RYR1: variants seen among roughly 807,000 people sequenced by gnomAD.
RYR1 encodes the protein central core disease of muscle.
Under a neutral mutation model 583.5 loss-of-function variants are expected in RYR1, and 342 were observed. The ratio of observed to expected loss-of-function variants is 0.59; its 90% confidence interval spans 0.54 to 0.64. RYR1 has a LOEUF of 0.64. Among genes scored for constraint, RYR1 ranks in the 30% least tolerant of loss-of-function variants. The pLI, the probability that RYR1 is intolerant of heterozygous loss-of-function variation, is 0.00. For synonymous variants in RYR1, 2,791 were observed against 2,822.5 expected, an observed-to-expected ratio of 0.99 and a Z score of 0.35; for missense variants, 6,032 against 6,917.2, an observed-to-expected ratio of 0.87 and a Z score of 4.54.
At chr19:38,453,716 C>T (rs1332671381) in intron 13 of RYR1, among the ~76,000 whole-genome samples, 1 of 151,576 alleles carries the variant, frequency 6.6e-6, no homozygotes. Flanking sequence ...ACAGGGTGAC[C>T]TGGAGGAAGA....
In RYR1 at chr19:38,565,129, G is replaced by C; in HGVS notation, c.12795G>C (p.Ala4265=). 1 of 1,531,768 alleles carries C rather than the reference G, an allele frequency of 6.5e-7. No individual in the cohort carries two copies. The highest frequency in any genetic ancestry group is 1.2e-5 in the South Asian group (1 of 83,848). The allele number at this position is 1,531,768 out of a possible 1,614,324, so 94.9% of individuals were successfully genotyped here. A position where few individuals can be genotyped will look rare whatever the true frequency, so the allele number is the denominator to read the frequency against. The change falls in exon 91 of 106, where the codon GCG becomes GCC. Residue 4265 remains alanine (A), a synonymous_variant. Coordinates refer to ENST00000359596, the MANE Select transcript of RYR1 (RefSeq NM_000540.3). The surrounding 1 kb of genome is among the most constrained non-coding windows in gnomAD (Gnocchi z 4.7). The part of the protein sequence containing the change: ...GEPETDEDEG[A]GAAEAGAEGA... Reference sequence around the variant, plus strand: ...CGGAGACCGACGAGGACGAGGGCGCGGGCGCGGCGGAGGCGGGCGCGGAAG... The same window carrying C: ...CGGAGACCGACGAGGACGAGGGCGCCGGCGCGGCGGAGGCGGGCGCGGAAG...
chr19:38,574,814 C>T (rs1157704841), intron 96 of RYR1, among the ~76,000 whole-genome samples: 4 of 151,706 alleles, frequency 2.6e-5, no homozygotes, highest in African/African-American at 4.8e-5. Flanking sequence ...CCGAGGCAGG[C>T]GGATCACGAG....
At chr19:38,466,042 G>T (rs1011428546) in intron 23 of RYR1, 49 bp from the exon 24 acceptor site, 8 of 1,552,376 alleles carry the variant, frequency 5.2e-6, no homozygotes, top group Non-Finnish European at 6.1e-6. Flanking sequence ...TGCAGAGCCC[G>T]GAAGTGGAGG....
rs200708363 is a variant in RYR1, at chr19:38,502,892, G to C, written c.7848G>C (p.Pro2616=). Residue 2616 remains proline (P), a synonymous_variant, in exon 49 of 106, where the codon CCG becomes CCC. Transcript: ENST00000359596. ...CLMSLCRYIR[P]SMLQHLLRRL... is the part of the protein sequence containing the mutation. ...CATTGTCCCGCAGGTACATCCGCCC[G>C]TCGATGCTGCAGCACCTGTTGCGCC... 1 of 1,611,330 alleles carries C rather than the reference G, an allele frequency of 6.2e-7. No homozygotes were observed. The highest frequency in any genetic ancestry group is 8.5e-7 in the Non-Finnish European group (1 of 1,179,990).
chr19:38,435,530 G>C (rs929802709), intron 1 of RYR1, among the ~76,000 whole-genome samples: 1 of 152,140 alleles, frequency 6.6e-6, no homozygotes, highest in Non-Finnish European at 1.5e-5. Flanking sequence ...TCAGGAGTTT[G>C]AGACCAGCCT....
intron 76 of RYR1, among the ~76,000 whole-genome samples, chr19:38,530,987 C>CTTTTTT (rs59244176): frequency 3.9e-4 from 51 of 129,362 alleles, no homozygotes; most frequent in Middle Eastern, 4.1e-3. Flanking sequence ...TTTTCTTTCT[C>CTTTTTT]TTTTTTTTTT....
In RYR1 at chr19:38,489,422, G is replaced by T; in HGVS notation, c.5793G>T (p.Leu1931Phe). The T allele has an allele frequency of 6.2e-7, 1 of 1,613,976 alleles. No individual in the cohort carries two copies. Among genetic ancestry groups the T allele is most frequent in the Non-Finnish European group, 8.5e-7 (1 of 1,179,904 alleles). ...GLEEGLLQMK[L>F]PESVKLQMCH... The stretch of plus-strand genomic sequence containing the variant: ...AGGAAGGGCTGCTCCAGATGAAGTT[G>T]CCAGAGTCTGTGAAGTTACAGGTGG... Residue 1931 changes from leucine to phenylalanine, a missense_variant, in exon 35 of 106, where the codon TTG becomes TTT. This residue lies in a region of RYR1 where 2,627 missense variants were observed against 2,961.3 expected (regional missense o/e 0.89). Transcript: ENST00000359596.
chr19:38,509,708 C>T (rs1600863049), intron 58 of RYR1, among the ~76,000 whole-genome samples: 1 of 151,896 alleles, frequency 6.6e-6, no homozygotes, highest in South Asian at 2.1e-4. Flanking sequence ...CCACCCGCCT[C>T]GGCTTCCCAA....
rs201265835 is a variant in RYR1 at position 38,536,811 on chromosome 19, C to T, written c.11608+44C>T. On this transcript the variant is annotated intron_variant, in intron 83 of 105. Transcript: ENST00000359596. ...CCCCGTGCTGTGCTGCTGTCACCCA[C>T]CCCTCCTAACCCCGTCCACCCCTCC... 1.2e-4 allele frequency: 184 copies of T among 1,598,516 alleles called. 1 individual carries two copies. The African/African-American group carries it at 2.0e-3, about 17-fold the overall frequency.
rs1440262870 is a variant in RYR1, at chr19:38,466,204, G to A, written c.2984G>A (p.Trp995Ter). The change falls in exon 24 of 106, where the codon TGG (tryptophan) becomes TAG (stop). Residue 995 changes from tryptophan (W) to a stop codon, truncating the protein, a stop_gained. Transcript: ENST00000359596. LOFTEE classifies it high-confidence loss of function. ...DRLAENGHNV[W>*]ARDRVGQGWS... ...CTGGCAGAAAATGGGCACAACGTGT[G>A]GGCCCGAGACCGCGTGGGCCAGGGC... The A allele has an allele frequency of 3.1e-6, 5 of 1,613,486 alleles. No homozygotes were observed. The highest frequency in any genetic ancestry group is 4.2e-6 in the Non-Finnish European group (5 of 1,179,948).
intron 36 of RYR1, 65 bp downstream of exon 36, chr19:38,490,341 C>A: frequency 1.4e-6 from 2 of 1,476,452 alleles, no homozygotes; most frequent in Non-Finnish European, 9.3e-7. Flanking sequence ...TCTCCTGACT[C>A]TGATCACTGA....
chr19:38,466,129 A>T lies in RYR1; in HGVS notation c.2909A>T (p.Asp970Val). ...MSNGYKPAPL[D>V]LSHVRLTPAQ... ...AATGGGTACAAGCCGGCTCCGCTGGACCTGAGCCACGTGCGGCTGACGCCG... is the reference window on the plus strand; with the variant it reads ...AATGGGTACAAGCCGGCTCCGCTGGTCCTGAGCCACGTGCGGCTGACGCCG... The change falls in exon 24 of 106, where the codon GAC (aspartate) becomes GTC (valine). Residue 970 changes from aspartate to valine, a missense_variant. Physicochemically the swap from Asp to Val is radical, Grantham distance 152. Transcript: ENST00000359596. 3 of 1,613,076 alleles carry T rather than the reference A, an allele frequency of 1.9e-6. No homozygotes were observed. Among genetic ancestry groups the T allele is most frequent in the Non-Finnish European group, 2.5e-6 (3 of 1,179,722 alleles).
chr19:38,499,269 G>GTA lies in RYR1; in HGVS notation c.7027+26_7027+27insTA, dbSNP rs778721510. ...GTGAGGAGGGGGTGGCAGTGGCAGA[G>GTA]CGGGAAGTATGGAGTCACTGGTCAC... On this transcript the variant is annotated intron_variant, in intron 43 of 105. Coordinates refer to ENST00000359596, the MANE Select transcript of RYR1 (RefSeq NM_000540.3). The surrounding 1 kb of genome is among the most constrained non-coding windows in gnomAD (Gnocchi z 7.3). 1 of 1,614,124 alleles carries GTA rather than the reference G, an allele frequency of 6.2e-7. No individual in the cohort carries two copies. Among genetic ancestry groups the GTA allele is most frequent in the Non-Finnish European group, 8.5e-7 (1 of 1,180,012 alleles).
chr19:38,463,353 T>C, intron 20 of RYR1, 70 bp from the exon 21 acceptor site: 1 of 1,348,962 alleles, frequency 7.4e-7, no homozygotes, highest in Non-Finnish European at 1.1e-6. Context: ...CAGGTGTTCT[T>C]GGAAAGAGGG....
In RYR1 at chr19:38,586,280, AGGGGGT is replaced by A. The variant is rs143087507; in HGVS notation, c.14969+91_14969+96del. 46,967 of 1,288,982 alleles carry A rather than the reference AGGGGGT, an allele frequency of 0.036. 2,209 individuals are homozygous for A. The highest frequency in any genetic ancestry group is 0.18 in the East Asian group (7,378 of 40,808). The allele number at this position is 1,288,982 out of a possible 1,614,324, so 79.8% of individuals were successfully genotyped here. A position where few individuals can be genotyped will look rare whatever the true frequency, so the allele number is the denominator to read the frequency against. The stretch of plus-strand genomic sequence containing the variant: ...GTACTTAGCTTTGGCCAGTTAGGAA[AGGGGGT>A]GTAGTGTCCATGTGGGCAGATTCCC... On this transcript the variant is annotated intron_variant, in intron 104 of 105. Coordinates refer to ENST00000359596, the MANE Select transcript of RYR1 (RefSeq NM_000540.3).
intron 1 of RYR1, among the ~76,000 whole-genome samples, chr19:38,437,855 G>T (rs1396106772): frequency 6.6e-6 from 1 of 151,578 alleles, no homozygotes; most frequent in Non-Finnish European, 1.5e-5. Context: ...GGGTGTGGTG[G>T]CATGAGCCTG....
chr19:38,539,008 T>C (rs572200260), intron 84 of RYR1, among the ~76,000 whole-genome samples: 7 of 152,298 alleles, frequency 4.6e-5, no homozygotes, highest in East Asian at 3.8e-4. Flanking sequence ...AAATCAACTT[T>C]CGTGACAAGA....
intron 89 of RYR1, among the ~76,000 whole-genome samples, chr19:38,551,712 C>G (rs1012630397): frequency 7.2e-5 from 11 of 152,074 alleles, no homozygotes; most frequent in Admixed American, 1.3e-4. Flanking sequence ...TCACAGCTGG[C>G]CTTTTCGTTT....
chr19:38,502,841 C>T (rs559180124), intron 48 of RYR1, 39 bp from the exon 49 acceptor site: 32 of 1,587,660 alleles, frequency 2.0e-5, no homozygotes, highest in Middle Eastern at 1.7e-4. Flanking sequence ...CAGAGCGGGC[C>T]TGGACGGGGG....
Sources: gnomAD v4.1 joint callset for allele counts (sites outside exome capture counted in the v4.1 genomes callset) on GRCh38, gnomAD v4.1.1 for gene constraint, gnomAD v4.1.1 regional missense constraint, Gnocchi (gnomAD v3.1) non-coding constraint, MANE v1.5 for transcripts, NCBI Gene and HGNC (gene_info 2026-07-23, HGNC 2026-07-21) for gene names.